The following SEL1L3 variants were observed in gnomAD, a reference collection of about 807,000 sequenced individuals.
The protein encoded by SEL1L3 is protein sel-1 homolog 3.
Under a neutral mutation model 142.8 loss-of-function variants are expected in SEL1L3, and 76 were observed. The ratio of observed to expected loss-of-function variants is 0.53; its 90% CI spans 0.44 to 0.64. SEL1L3 has a LOEUF of 0.64. Among genes scored for constraint, SEL1L3 ranks in the 30% least tolerant of loss-of-function variants. The pLI is 0.00. For synonymous variants in SEL1L3, 504 were observed against 519.6 expected (o/e 0.97, Z 0.41); for missense variants, 1,262 against 1,381.7 (o/e 0.91, Z 1.37).
chr4:25,778,977 C>T (rs13121073), intron 16 of SEL1L3, 99 bp downstream of exon 16: 383,955 of 1,083,274 alleles, frequency 0.35, 70,625 homozygotes, highest in African/African-American at 0.55. Flanking sequence ...CATGCATGTA[C>T]AACTGGTAAA....
At position 25,750,009 on chromosome 4, in the gene SEL1L3, G is replaced by A. The variant is rs573912870; in HGVS notation, c.3260-1445C>T. ...AGCACTTCGGGAGGCCCGGACGGCC[G>A]GATAACCTGAGGTCAGGAGTTTGAG... On this transcript the variant is annotated intron_variant, in intron 23 of 23. Coordinates refer to ENST00000399878, the MANE Select transcript of SEL1L3 (RefSeq NM_015187.5). Among the ~76,000 whole-genome samples, 13 of 152,226 alleles carry A rather than the reference G, an allele frequency of 8.5e-5. No homozygotes were observed. In the East Asian group the frequency reaches 1.9e-3, roughly 23 times the overall value.
chr4:25,778,916 T>C lies in SEL1L3; in HGVS notation c.2585+160A>G, dbSNP rs190274336. On this transcript the variant is annotated intron_variant, in intron 16 of 23. Transcript: ENST00000399878. ...CTTTGTCAAATTATTTTTAAATTTTTAATTAAAAGTTTTAATTTTGTCTTG... is the reference window on the plus strand; with the variant it reads ...CTTTGTCAAATTATTTTTAAATTTTCAATTAAAAGTTTTAATTTTGTCTTG... Among the ~76,000 whole-genome samples the C allele has an allele frequency of 4.2e-3, 638 of 152,354 alleles. 3 individuals carry two copies. Among genetic ancestry groups the C allele is most frequent in the Non-Finnish European group, 6.1e-3 (418 of 68,034 alleles).
rs186463240 is a variant in SEL1L3 at position 25,794,475 on chromosome 4, G to A, written c.1957-3901C>T. Among the ~76,000 whole-genome samples the A allele has an allele frequency of 2.0e-5, 3 of 152,312 alleles. No individual in the cohort carries two copies. In the East Asian group the frequency reaches 5.8e-4, roughly 29 times the overall value. ...GAGAAATGCAAATCAAAACCACAAT[G>A]AGATACCATCTCATGCCAGGTAGAT... On this transcript the variant is annotated intron_variant, in intron 11 of 23. Transcript: ENST00000399878.
At chr4:25,797,581 A>G (rs1410383117) in intron 11 of SEL1L3, among the ~76,000 whole-genome samples, 1 of 152,178 alleles carries the variant, frequency 6.6e-6, no homozygotes, top group East Asian at 1.9e-4. Flanking sequence ...GTGGTGCTGC[A>G]TGCAAGAGAG....
chr4:25,841,111 C>A (rs1174278456), intron 2 of SEL1L3, among the ~76,000 whole-genome samples: 2 of 151,994 alleles, frequency 1.3e-5, no homozygotes, highest in African/African-American at 4.8e-5. Flanking sequence ...TGGCTCACTG[C>A]AGCCTCCATC....
Position 25,831,510 on chromosome 4 carries a change from AATTATTATTATT to A in SEL1L3, c.1099-1366_1099-1355del, listed in dbSNP as rs71591516. On this transcript the variant is annotated intron_variant, in intron 5 of 23. Transcript: ENST00000399878. ...ATTTTTAAATAATAATAATAATAAT[AATTATTATTATT>A]ATTATTATTATTATTATTATTGAGA... Among the ~76,000 whole-genome samples the A allele has an allele frequency of 6.9e-4, 85 of 122,594 alleles. 1 individual carries two copies. The highest frequency in any genetic ancestry group is 2.3e-3 in the South Asian group (9 of 3,924). 80.4% of individuals were successfully genotyped at this position (122,594 alleles called of 152,430 possible). A position where few individuals can be genotyped will look rare whatever the true frequency, so the allele number is the denominator to read the frequency against.
intron 23 of SEL1L3, among the ~76,000 whole-genome samples, chr4:25,751,226 C>A (rs1717567355): frequency 6.6e-6 from 1 of 152,024 alleles, no homozygotes; most frequent in African/African-American, 2.4e-5. Context: ...GCTTGGTGTA[C>A]CCTCCCAAAG....
intron 9 of SEL1L3, among the ~76,000 whole-genome samples, chr4:25,806,672 A>G (rs1713599351): frequency 6.6e-6 from 1 of 152,088 alleles, no homozygotes; most frequent in Non-Finnish European, 1.5e-5. Flanking sequence ...CACCAGCTCT[A>G]AGGCATCCTC....
chr4:25,819,735 T>C, intron 8 of SEL1L3, 73 bp downstream of exon 8: 9 of 1,448,960 alleles, frequency 6.2e-6, no homozygotes, highest in Non-Finnish European at 8.4e-6. Flanking sequence ...TTAATCCTGT[T>C]ATGGAGAAGC....
Position 25,802,301 on chromosome 4 carries a change from G to A in SEL1L3, c.1938C>T (p.His646=). 1.2e-6 allele frequency: 2 copies of A among 1,613,382 alleles called. No homozygotes were observed. The highest frequency in any genetic ancestry group is 2.2e-5 in the South Asian group (2 of 90,984). The part of the protein sequence containing the change: ...NIATKTPLDQ[H]TLQGDQAYVE... ...CTCATACCTGATCTCCTTGCAGTGT[G>A]TGCTGGTCAAGGGGTGTCTTGGTGG... The change falls in exon 11 of 24, where the codon CAC becomes CAT. Residue 646 remains histidine (H), a synonymous_variant. Coordinates refer to ENST00000399878, the MANE Select transcript of SEL1L3 (RefSeq NM_015187.5).
chr4:25,784,330 A>G (rs1270565208), intron 13 of SEL1L3, 40 bp from the exon 14 acceptor site: 5 of 1,472,768 alleles, frequency 3.4e-6, no homozygotes, highest in Non-Finnish European at 4.8e-6. Flanking sequence ...AAGAAAATAC[A>G]ACCAGACTGC....
intron 5 of SEL1L3, 69 bp downstream of exon 5, chr4:25,832,926 C>T: frequency 6.2e-6 from 6 of 969,898 alleles, no homozygotes; most frequent in Non-Finnish European, 9.8e-6. Context: ...TGCTCCCCGG[C>T]TTTATAGCAA....
chr4:25,792,379 T>C (rs1022621026), intron 11 of SEL1L3, among the ~76,000 whole-genome samples: 3 of 152,192 alleles, frequency 2.0e-5, no homozygotes, highest in Admixed American at 2.0e-4. Context: ...GGCGCTCCCA[T>C]GGGATGTCGC....
At chr4:25,837,911 C>T (rs1171446739) in intron 2 of SEL1L3, among the ~76,000 whole-genome samples, 2 of 152,068 alleles carry the variant, frequency 1.3e-5, no homozygotes, top group Non-Finnish European at 2.9e-5. Context: ...CCAGTGCCAT[C>T]CACCACTAAA....
the SEL1L3 span, among the ~76,000 whole-genome samples, chr4:25,724,580 A>G: frequency 2.6e-5 from 4 of 151,814 alleles, no homozygotes; most frequent in African/African-American, 7.3e-5. Flanking sequence ...TCTACTAAAA[A>G]TACAAAAAAT....
chr4:25,861,113 C>T (rs1028884682), intron 1 of SEL1L3, among the ~76,000 whole-genome samples: 1 of 152,182 alleles, frequency 6.6e-6, no homozygotes, highest in Non-Finnish European at 1.5e-5. Flanking sequence ...ATGTTTCACG[C>T]AACACTCTAC....
intron 9 of SEL1L3, among the ~76,000 whole-genome samples, chr4:25,808,304 A>G (rs1713736466): frequency 6.6e-6 from 1 of 152,218 alleles, no homozygotes; most frequent in Non-Finnish European, 1.5e-5. Context: ...AAGGAACAAA[A>G]GCCACCACCA....
At chr4:25,760,653 T>A (rs750648092) in intron 20 of SEL1L3, among the ~76,000 whole-genome samples, 1 of 152,174 alleles carries the variant, frequency 6.6e-6, no homozygotes, top group Non-Finnish European at 1.5e-5. Context: ...CACGATCACA[T>A]CTAATGGCTT....
At chr4:25,738,042 G>A in the SEL1L3 span, among the ~76,000 whole-genome samples, 7 of 151,932 alleles carry the variant, frequency 4.6e-5, no homozygotes, top group Non-Finnish European at 5.9e-5. Context: ...GTTACGTGCC[G>A]CCACACCTGC....
Sources: gnomAD v4.1 joint callset for allele counts (sites outside exome capture counted in the v4.1 genomes callset) on GRCh38, gnomAD v4.1.1 for gene constraint, MANE v1.5 for transcripts, NCBI Gene and HGNC (gene_info 2026-07-23, HGNC 2026-07-21) for gene names.